COL4A5: variants seen among roughly 807,000 people sequenced by gnomAD.
COL4A5 encodes collagen alpha-5(IV) chain.
COL4A5 carries 26 observed loss-of-function variants against 130.2 expected under a neutral mutation model. That is an observed-to-expected ratio of 0.20 (90% CI 0.15 to 0.28). The LOEUF is 0.28. COL4A5 is among the 10% of genes least tolerant of loss of function. The pLI is 1.00. For synonymous variants in COL4A5, 496 were observed against 439.6 expected (o/e 1.13, Z -1.60); for missense variants, 1,131 against 1,344.3 (o/e 0.84, Z 2.48).
At position 108,674,736 on chromosome X, in the gene COL4A5, TC is replaced by T; in HGVS notation, c.3800-8del. On this transcript the variant is annotated splice_region_variant and splice_polypyrimidine_tract_variant and intron_variant, in intron 42 of 52. Transcript: ENST00000328300. ...ATCTTTGGGCTTTGGTGAACTCTGA[TC>T]TTCCCAGGTTTTCAAGGTTAGACTC... is the stretch of plus-strand genomic sequence containing the variant. The T allele has an allele frequency of 1.7e-6, 2 of 1,205,692 alleles. No homozygotes were observed. The highest frequency in any genetic ancestry group is 2.2e-6 in the Non-Finnish European group (2 of 892,417).
chrX:108,510,671 C>A (rs1033942841), intron 1 of COL4A5, among the ~76,000 whole-genome samples: 2 of 110,973 alleles, frequency 1.8e-5, no homozygotes, highest in Admixed American at 1.9e-4. Flanking sequence ...ATAATAGATA[C>A]CATTCTATTG....
chrX:108,450,986 C>T (rs1272067564), intron 1 of COL4A5, among the ~76,000 whole-genome samples: 1 of 105,317 alleles, frequency 9.5e-6, no homozygotes, highest in Non-Finnish European at 1.9e-5. Context: ...TAATGCTATC[C>T]CTCCCCACTC....
chrX:108,541,543 T>C (rs770170385), intron 2 of COL4A5, among the ~76,000 whole-genome samples: 4 of 112,292 alleles, frequency 3.6e-5, no homozygotes, highest in Non-Finnish European at 7.5e-5. Flanking sequence ...CCCATGGTCT[T>C]ACTGGCTTGA....
Position 108,493,643 on chromosome X carries a change from A to G in COL4A5, c.82-46103A>G, listed in dbSNP as rs925817795. Among the ~76,000 whole-genome samples, 3 of 110,808 alleles carry G rather than the reference A, an allele frequency of 2.7e-5. No individual in the cohort carries two copies. The South Asian group carries it at 1.1e-3, about 42-fold the overall frequency. On this transcript the variant is annotated intron_variant, in intron 1 of 52. Transcript: ENST00000328300. Reference sequence around the variant, plus strand: ...GTTTTTTCAAAAAAATAATAAATTAATGGATAATGTAGCTTCTCACTTATA... The same window carrying G: ...GTTTTTTCAAAAAAATAATAAATTAGTGGATAATGTAGCTTCTCACTTATA...
At chrX:108,500,153 A>G (rs901447641) in intron 1 of COL4A5, among the ~76,000 whole-genome samples, 3 of 112,247 alleles carry the variant, frequency 2.7e-5, no homozygotes, top group African/African-American at 9.7e-5. Flanking sequence ...TAAAAAATGG[A>G]TAATTTCTTA....
chrX:108,532,177 A>G (rs776429974), intron 1 of COL4A5, among the ~76,000 whole-genome samples: 2 of 111,920 alleles, frequency 1.8e-5, no homozygotes, highest in African/African-American at 6.5e-5. Flanking sequence ...AGATTGATTG[A>G]AAAACAATTT....
At chrX:108,645,532 A>G (rs1439315767) in intron 36 of COL4A5, among the ~76,000 whole-genome samples, 19 of 108,311 alleles carry the variant, frequency 1.8e-4, no homozygotes, top group African/African-American at 6.0e-4. Flanking sequence ...TACAATTAGT[A>G]TTAAAATGGG....
intron 10 of COL4A5, among the ~76,000 whole-genome samples, chrX:108,576,276 G>A (rs1346615445): frequency 4.5e-5 from 5 of 111,676 alleles, no homozygotes; most frequent in Non-Finnish European, 9.4e-5. Flanking sequence ...GTCTTTTAAG[G>A]CAGTTTTCTA....
chrX:108,568,868 A>G, intron 6 of COL4A5, 47 bp downstream of exon 6: 1 of 1,068,138 alleles, frequency 9.4e-7, no homozygotes, highest in Non-Finnish European at 1.3e-6. Flanking sequence ...GACAATAATT[A>G]ACTTAAAAAC....
chrX:108,559,316 A>G (rs1444444770), intron 3 of COL4A5, among the ~76,000 whole-genome samples, 163 bp downstream of exon 3: 1 of 112,649 alleles, frequency 8.9e-6, no homozygotes, highest in Non-Finnish European at 1.9e-5. Flanking sequence ...GTATTTTGTT[A>G]AAAAACTAAA....
chrX:108,565,789 T>G (rs2065958304), intron 4 of COL4A5, among the ~76,000 whole-genome samples: 2 of 111,653 alleles, frequency 1.8e-5, no homozygotes, highest in Admixed American at 1.9e-4. Context: ...TCTTGCAAAT[T>G]TCACGTTGCC....
intron 1 of COL4A5, among the ~76,000 whole-genome samples, chrX:108,452,798 G>T (rs12688997): frequency 9.0e-6 from 1 of 110,936 alleles, no homozygotes; most frequent in Non-Finnish European, 1.9e-5. Flanking sequence ...TCGTCTTTTC[G>T]TAACTGAATA....
chrX:108,592,017 C>A (rs1343683197), intron 21 of COL4A5, among the ~76,000 whole-genome samples: 1 of 111,846 alleles, frequency 8.9e-6, no homozygotes, highest in Non-Finnish European at 1.9e-5. Flanking sequence ...TTGCCCTTCT[C>A]TCACTTCATT....
chrX:108,526,589 CTCCCTCCT>C (rs1240788478), intron 1 of COL4A5, among the ~76,000 whole-genome samples: 5,081 of 64,168 alleles, frequency 0.079, 606 homozygotes, highest in African/African-American at 0.28. Flanking sequence ...CCCTCCCTCC[CTCCCTCCT>C]TTCTTTCTTT....
rs749949606 is a variant in COL4A5, at chrX:108,620,389, A to T, written c.2640A>T (p.Pro880=). 9.1e-6 allele frequency: 11 copies of T among 1,209,960 alleles called. No homozygotes were observed. The highest frequency in any genetic ancestry group is 1.1e-5 in the Non-Finnish European group (10 of 894,381). Reference sequence around the variant, plus strand: ...GTCCTATAGGACCTCCAGGATCACCAGGGCTTCCAGGAAAAGCAGGTGCCT... The same window carrying T: ...GTCCTATAGGACCTCCAGGATCACCTGGGCTTCCAGGAAAAGCAGGTGCCT... ...APGPIGPPGS[P]GLPGKAGASG... Residue 880 remains proline, a synonymous_variant, in exon 31 of 53, where the codon CCA becomes CCT. Transcript: ENST00000328300.
chrX:108,526,686 T>C (rs968725015), intron 1 of COL4A5, among the ~76,000 whole-genome samples: 2 of 80,567 alleles, frequency 2.5e-5, no homozygotes, highest in Non-Finnish European at 4.7e-5. Context: ...TCTTTCTTTC[T>C]TTCTTTCTTT....
chrX:108,604,298 C>G (rs902833508), intron 28 of COL4A5, among the ~76,000 whole-genome samples: 1 of 112,331 alleles, frequency 8.9e-6, no homozygotes. Context: ...ATTAAAAGCA[C>G]TCTTTGATCC....
At chrX:108,481,184 C>T (rs1324632421) in intron 1 of COL4A5, among the ~76,000 whole-genome samples, 1 of 111,460 alleles carries the variant, frequency 9.0e-6, no homozygotes, top group African/African-American at 3.3e-5. Context: ...ACCACAATGA[C>T]ATTTTGGGTC....
intron 36 of COL4A5, among the ~76,000 whole-genome samples, chrX:108,649,149 A>G (rs1374717992): frequency 1.8e-5 from 2 of 111,236 alleles, no homozygotes; most frequent in Admixed American, 1.9e-4. Context: ...CAATAGCTGC[A>G]AAAAATAAAA....
Sources: allele counts gnomAD v4.1 joint callset (sites outside exome capture counted in the v4.1 genomes callset), GRCh38; gene constraint gnomAD v4.1.1; transcripts MANE v1.5; gene names NCBI Gene and HGNC (gene_info 2026-07-23, HGNC 2026-07-21).